PDE4D: variants seen among roughly 807,000 people sequenced by gnomAD.
The protein encoded by PDE4D is 3',5'-cyclic-AMP phosphodiesterase 4D.
PDE4D carries 24 observed loss-of-function variants against 87.4 expected under a neutral mutation model. That is an observed-to-expected ratio of 0.27 (90% CI 0.20 to 0.39). The LOEUF is 0.39. PDE4D is among the 10% of genes least tolerant of loss of function. The probability of loss-of-function intolerance (pLI) is 1.00; values close to 1 mark genes in which losing one functional copy is unlikely to be tolerated. For synonymous variants in PDE4D, 384 were observed against 383.2 expected (o/e 1.00, Z -0.02); for missense variants, 714 against 1,041.0 (o/e 0.69, Z 4.32).
chr5:59,017,739 T>C (rs1404880682), intron 6 of PDE4D, among the ~76,000 whole-genome samples: 2 of 152,200 alleles, frequency 1.3e-5, no homozygotes, highest in African/African-American at 4.8e-5. Flanking sequence ...GGCCGCATAA[T>C]ATAACCAAAA....
chr5:59,318,777 T>C (rs1004795208), intron 1 of PDE4D, among the ~76,000 whole-genome samples: 1 of 152,112 alleles, frequency 6.6e-6, no homozygotes, highest in Non-Finnish European at 1.5e-5. Flanking sequence ...TTTTTGTAAT[T>C]AGCAACTGTG....
intron 1 of PDE4D, among the ~76,000 whole-genome samples, chr5:59,325,060 A>C (rs62358010): frequency 6.6e-6 from 1 of 152,150 alleles, no homozygotes; most frequent in Non-Finnish European, 1.5e-5. Context: ...ATAAAATGGA[A>C]CAGTAATAGC....
chr5:60,307,866 C>A (rs1393440391), intron 1 of PDE4D, among the ~76,000 whole-genome samples: 1 of 152,018 alleles, frequency 6.6e-6, no homozygotes, highest in Non-Finnish European at 1.5e-5. Context: ...CATGGTGAAA[C>A]CCTGTCTTTA....
chr5:59,651,258 C>CAATAATAAT (rs59177482), intron 1 of PDE4D, among the ~76,000 whole-genome samples: 101 of 142,254 alleles, frequency 7.1e-4, no homozygotes, highest in Middle Eastern at 3.6e-3. Flanking sequence ...TCTGTCTCAA[C>CAATAATAAT]AATAATAATA....
At chr5:59,684,661 T>C (rs567004862) in intron 1 of PDE4D, among the ~76,000 whole-genome samples, 3 of 152,286 alleles carry the variant, frequency 2.0e-5, no homozygotes, top group South Asian at 2.1e-4. Flanking sequence ...CCTCCAACTA[T>C]AGGAACTATA....
At chr5:60,234,819 T>C (rs1746240953) in intron 1 of PDE4D, among the ~76,000 whole-genome samples, 1 of 151,936 alleles carries the variant, frequency 6.6e-6, no homozygotes, top group Non-Finnish European at 1.5e-5. Flanking sequence ...AGTTATCAAA[T>C]TTGTTGGCAT....
chr5:58,993,761 T>A (rs1748488380), intron 6 of PDE4D, among the ~76,000 whole-genome samples: 1 of 152,142 alleles, frequency 6.6e-6, no homozygotes, highest in South Asian at 2.1e-4. Flanking sequence ...ATTTAAATAA[T>A]CACATGTGGC....
chr5:60,500,608 ACT>A (rs1047694461), intron 1 of PDE4D, among the ~76,000 whole-genome samples: 3 of 152,276 alleles, frequency 2.0e-5, no homozygotes, highest in Admixed American at 6.5e-5. Context: ...ATTTTAAATA[ACT>A]CTAAAAATTC....
At chr5:59,333,381 A>G (rs1279250417) in intron 1 of PDE4D, among the ~76,000 whole-genome samples, 1 of 152,112 alleles carries the variant, frequency 6.6e-6, no homozygotes, top group Non-Finnish European at 1.5e-5. Context: ...CAGAAAGGGG[A>G]GACTTTTCAC....
chr5:59,767,221 T>C (rs1309917334), intron 1 of PDE4D, among the ~76,000 whole-genome samples: 1 of 152,210 alleles, frequency 6.6e-6, no homozygotes, highest in African/African-American at 2.4e-5. Context: ...AAAAATTATT[T>C]AGTCATACAG....
chr5:59,717,039 T>C (rs1387092266), intron 1 of PDE4D, among the ~76,000 whole-genome samples: 1 of 152,190 alleles, frequency 6.6e-6, no homozygotes, highest in East Asian at 1.9e-4. Context: ...AGCCCTTTTT[T>C]CCTTAGGGAT....
intron 1 of PDE4D, among the ~76,000 whole-genome samples, chr5:59,496,086 AG>A (rs749382519): frequency 6.6e-6 from 1 of 152,136 alleles, no homozygotes; most frequent in Non-Finnish European, 1.5e-5. Context: ...GAGTGGAAGT[AG>A]CTATCAGCAG....
chr5:59,827,856 A>G (rs999012678), intron 1 of PDE4D, among the ~76,000 whole-genome samples: 1 of 152,154 alleles, frequency 6.6e-6, no homozygotes, highest in Admixed American at 6.6e-5. Flanking sequence ...ATTAAAATGT[A>G]CATATGAAAA....
chr5:59,421,725 G>T (rs774600983), intron 1 of PDE4D, among the ~76,000 whole-genome samples: 31 of 152,214 alleles, frequency 2.0e-4, no homozygotes, highest in South Asian at 1.0e-3. Context: ...GTCAGAGCTT[G>T]AGATGTACAT....
chr5:60,498,977 T>C (rs1749944807), intron 1 of PDE4D, among the ~76,000 whole-genome samples: 1 of 152,208 alleles, frequency 6.6e-6, no homozygotes, highest in Non-Finnish European at 1.5e-5. Context: ...CCCAATGGCA[T>C]TAGCTCCCTC....
chr5:60,341,984 A>G (rs115219921), intron 1 of PDE4D, among the ~76,000 whole-genome samples: 137 of 152,350 alleles, frequency 9.0e-4, no homozygotes, highest in African/African-American at 3.1e-3. Flanking sequence ...AACCTCTTGC[A>G]AAGCAAATGC....
intron 1 of PDE4D, among the ~76,000 whole-genome samples, chr5:59,602,395 T>C (rs1827636804): frequency 6.6e-6 from 1 of 152,010 alleles, no homozygotes; most frequent in African/African-American, 2.4e-5. Context: ...CTTCTATTCA[T>C]TATAATAGAA....
intron 1 of PDE4D, among the ~76,000 whole-genome samples, chr5:60,493,729 C>G (rs2150237738): frequency 6.6e-6 from 1 of 152,306 alleles, no homozygotes; most frequent in East Asian, 1.9e-4. Flanking sequence ...GGCTCACACA[C>G]AGAGCCATGT....
intron 2 of PDE4D, chr5:60,021,313 T>C (rs1181477937): frequency 6.6e-6 from 1 of 152,170 alleles, no homozygotes; most frequent in Non-Finnish European, 1.5e-5. Context: ...GCTTTATACC[T>C]CCTGAGAGCA....
Sources: allele counts gnomAD v4.1 joint callset (sites outside exome capture counted in the v4.1 genomes callset), GRCh38; gene constraint gnomAD v4.1.1; transcripts MANE v1.5; gene names NCBI Gene and HGNC (gene_info 2026-07-23, HGNC 2026-07-21).